The following ADGRL4 variants were observed in gnomAD, a reference collection of about 807,000 sequenced individuals.
ADGRL4 encodes EGF, latrophilin and seven transmembrane domain containing 1.
ADGRL4 carries 90 observed loss-of-function variants against 74.8 expected under a neutral mutation model. That is an observed-to-expected ratio of 1.20 (90% CI 1.02 to 1.43). ADGRL4 has a LOEUF of 1.43. Among genes scored for constraint, ADGRL4 ranks in the 40% most tolerant of loss-of-function variants. ADGRL4 has a pLI of 0.00. For synonymous variants in ADGRL4, 311 were observed against 279.2 expected, an observed-to-expected ratio of 1.11 and a Z score of -1.14; for missense variants, 881 against 814.3, an observed-to-expected ratio of 1.08 and a Z score of -1.00.
intron 2 of ADGRL4, among the ~76,000 whole-genome samples, chr1:78,997,131 C>T (rs1420029131): frequency 6.6e-6 from 1 of 151,394 alleles, no homozygotes; most frequent in Non-Finnish European, 1.5e-5. Flanking sequence ...TGAGATAAAG[C>T]ACAGGAGGAA....
intron 12 of ADGRL4, among the ~76,000 whole-genome samples, chr1:78,917,204 T>C (rs977913): frequency 0.98 from 148,406 of 151,914 alleles, 72,581 homozygotes; most frequent in East Asian, 1. Flanking sequence ...GATTAAATAA[T>C]GTAAACATCT....
At chr1:78,916,239 T>C (rs1648870262) in intron 12 of ADGRL4, among the ~76,000 whole-genome samples, 1 of 151,916 alleles carries the variant, frequency 6.6e-6, no homozygotes, top group African/African-American at 2.4e-5. Context: ...GCTCCTGTTT[T>C]TGTTGTTTTA....
At chr1:78,932,020 T>C (rs2352517) in intron 7 of ADGRL4, among the ~76,000 whole-genome samples, 91,462 of 151,110 alleles carry the variant, frequency 0.61, 28,477 homozygotes, top group East Asian at 0.7. Flanking sequence ...GACAGATCAA[T>C]GAGACAGAAA....
At position 78,921,788 on chromosome 1, in the gene ADGRL4, T is replaced by C. The variant is rs867584560; in HGVS notation, c.1084-2A>G. 1.4e-6 allele frequency: 2 copies of C among 1,458,198 alleles called. No individual in the cohort carries two copies. Among genetic ancestry groups the C allele is most frequent in the South Asian group, 2.9e-5 (2 of 69,810 alleles). 90.3% of individuals were successfully genotyped at this position (1,458,198 alleles called of 1,614,324 possible). On this transcript the variant is annotated splice_acceptor_variant, in intron 8 of 14. Coordinates refer to ENST00000370742, the MANE Select transcript of ADGRL4 (RefSeq NM_022159.4). LOFTEE classifies it high-confidence loss of function. ...TAGACTCCTATACCTATCTGTGACC[T>C]GAAAAAAAGATACTTTACTGATGAA...
chr1:78,905,500 G>A (rs943008505), intron 12 of ADGRL4, among the ~76,000 whole-genome samples: 3 of 151,968 alleles, frequency 2.0e-5, no homozygotes, highest in Non-Finnish European at 4.4e-5. Context: ...ATAACAATTT[G>A]AGGTTTTGAG....
chr1:78,911,000 G>C (rs1648751690), intron 12 of ADGRL4, among the ~76,000 whole-genome samples: 1 of 151,810 alleles, frequency 6.6e-6, no homozygotes, highest in South Asian at 2.1e-4. Flanking sequence ...CGGATTAAAA[G>C]CTTAAATATT....
chr1:78,946,521 G>A, intron 2 of ADGRL4, 95 bp from the exon 3 acceptor site: 1 of 1,030,268 alleles, frequency 9.7e-7, no homozygotes, highest in Non-Finnish European at 1.4e-6. Flanking sequence ...CTGTTAGATA[G>A]TTTAAGGTAT....
At chr1:78,978,782 G>A (rs1650343317) in intron 2 of ADGRL4, among the ~76,000 whole-genome samples, 1 of 151,880 alleles carries the variant, frequency 6.6e-6, no homozygotes, top group Non-Finnish European at 1.5e-5. Flanking sequence ...AAGTCAAGGA[G>A]GTTAACTTTT....
At chr1:78,962,254 T>C (rs1441136136) in intron 2 of ADGRL4, among the ~76,000 whole-genome samples, 2 of 152,198 alleles carry the variant, frequency 1.3e-5, no homozygotes, top group African/African-American at 4.8e-5. Flanking sequence ...GTCCTTCTCC[T>C]TAGTGATCAC....
chr1:78,969,412 A>AT (rs1394319857), intron 2 of ADGRL4, among the ~76,000 whole-genome samples: 12 of 152,158 alleles, frequency 7.9e-5, no homozygotes, highest in Admixed American at 2.6e-4. Flanking sequence ...AGGGTTCCTG[A>AT]CTGGTGGTCA....
At chr1:78,946,173 C>CGATCAAGGTCTGGCAGAATTTG in intron 3 of ADGRL4, 101 bp downstream of exon 3, 1 of 810,466 alleles carries the variant, frequency 1.2e-6, no homozygotes, top group Non-Finnish European at 1.8e-6. Flanking sequence ...ACGTAGGGTA[C>CGATCAAGGTCTGGCAGAATTTG]GATCAAGGTC....
intron 9 of ADGRL4, among the ~76,000 whole-genome samples, chr1:78,920,651 C>T (rs567932926): frequency 6.6e-6 from 1 of 151,654 alleles, no homozygotes; most frequent in Non-Finnish European, 1.5e-5. Context: ...AGTATTAGTA[C>T]ATGGTTTAAC....
intron 12 of ADGRL4, among the ~76,000 whole-genome samples, chr1:78,906,836 A>G (rs994241553): frequency 1.3e-5 from 2 of 152,024 alleles, no homozygotes; most frequent in African/African-American, 4.8e-5. Flanking sequence ...ATCTAAAATT[A>G]TTGCCAATTT....
At chr1:78,956,446 C>A (rs994286929) in intron 2 of ADGRL4, among the ~76,000 whole-genome samples, 16 of 152,130 alleles carry the variant, frequency 1.1e-4, no homozygotes, top group East Asian at 1.9e-4. Context: ...ATTTATGAGT[C>A]AACAAGTTCA....
At chr1:78,915,060 A>G (rs1252863808) in intron 12 of ADGRL4, among the ~76,000 whole-genome samples, 2 of 151,848 alleles carry the variant, frequency 1.3e-5, no homozygotes, top group South Asian at 2.1e-4. Flanking sequence ...TTCATTGTAC[A>G]TATCTTCACA....
intron 7 of ADGRL4, among the ~76,000 whole-genome samples, chr1:78,935,606 T>C (rs1649337132): frequency 6.6e-6 from 1 of 152,018 alleles, no homozygotes; most frequent in African/African-American, 2.4e-5. Flanking sequence ...TGTCTCATGA[T>C]GAAGAATATG....
chr1:78,989,781 T>A (rs533175377), intron 2 of ADGRL4, among the ~76,000 whole-genome samples: 28 of 152,086 alleles, frequency 1.8e-4, no homozygotes, highest in African/African-American at 6.0e-4. Flanking sequence ...GTAACAGTTA[T>A]CACTTATTAA....
chr1:78,983,768 A>G (rs1345852123), intron 2 of ADGRL4, among the ~76,000 whole-genome samples: 1 of 151,878 alleles, frequency 6.6e-6, no homozygotes, highest in South Asian at 2.1e-4. Context: ...AAATGGAAAC[A>G]TCACAGTGAA....
chr1:78,982,802 T>C (rs1342289029), intron 2 of ADGRL4, among the ~76,000 whole-genome samples: 1 of 151,636 alleles, frequency 6.6e-6, no homozygotes, highest in African/African-American at 2.4e-5. Context: ...TCAGAAATGC[T>C]TTCTGGGGGC....
Sources: allele counts gnomAD v4.1 joint callset (sites outside exome capture counted in the v4.1 genomes callset), GRCh38; gene constraint gnomAD v4.1.1; transcripts MANE v1.5; gene names NCBI Gene and HGNC (gene_info 2026-07-23, HGNC 2026-07-21).